PMS2: variants seen among roughly 807,000 people sequenced by gnomAD.
The protein encoded by PMS2 is mismatch repair endonuclease PMS2.
In PMS2, 69 loss-of-function variants were observed where a neutral mutation model predicts 90.0. That is an observed-to-expected ratio of 0.77 (90% CI 0.63 to 0.94). PMS2 has a LOEUF of 0.94. Ranked by LOEUF, PMS2 falls within the 40% of genes least tolerant of loss-of-function variation. The probability of loss-of-function intolerance (pLI) is 0.00; values close to 1 mark genes in which losing one functional copy is unlikely to be tolerated. For missense variants in PMS2, 966 were observed against 1,040.2 expected (o/e 0.93, Z 0.98); for synonymous variants, 332 against 375.1 (o/e 0.89, Z 1.33).
chr7:5,998,615 A>T (rs1007489519), intron 6 of PMS2, among the ~76,000 whole-genome samples: 2 of 150,820 alleles, frequency 1.3e-5, no homozygotes, highest in Non-Finnish European at 3.0e-5. Context: ...AATTGCTTCA[A>T]CGCGGGAGGC....
intron 11 of PMS2, among the ~76,000 whole-genome samples, chr7:5,985,058 T>C (rs557120718): frequency 6.6e-6 from 1 of 151,266 alleles, no homozygotes; most frequent in Non-Finnish European, 1.5e-5. Flanking sequence ...TCAGGCAGAG[T>C]GCAATCAATC....
chr7:5,993,303 A>T (rs577728335), intron 8 of PMS2, among the ~76,000 whole-genome samples: 1 of 142,054 alleles, frequency 7.0e-6, no homozygotes, highest in Non-Finnish European at 1.5e-5. Flanking sequence ...CCTGGGAGGG[A>T]GAGCTTGCAG....
In PMS2 at chr7:5,978,985, A is replaced by C. The variant is rs186921427; in HGVS notation, c.2175-289T>G. 3.4e-3 allele frequency among the ~76,000 whole-genome samples: 504 copies of C among 148,850 alleles called. 25 individuals are homozygous for C. The highest frequency in any genetic ancestry group is 6.8e-3 in the Middle Eastern group (2 of 294). On this transcript the variant is annotated intron_variant, in intron 12 of 14. Coordinates refer to ENST00000265849, the MANE Select transcript of PMS2 (RefSeq NM_000535.7). ...CGAGGCAGGCAGATCTCTTGAGGCC[A>C]GGAGTTTGAGACCGGCCTGGTCAAC...
chr7:5,992,382 C>T (rs1783867915), intron 8 of PMS2, among the ~76,000 whole-genome samples: 1 of 151,118 alleles, frequency 6.6e-6, no homozygotes, highest in East Asian at 1.9e-4. Flanking sequence ...TGTAATGGCA[C>T]GATCTTGGCT....
rs143277125 is a variant in PMS2 at position 5,992,012 on chromosome 7, G to A, written c.949C>T (p.Gln317Ter). 6.2e-7 allele frequency: 1 copy of A among 1,601,810 alleles called. No individual in the cohort carries two copies. Among genetic ancestry groups the A allele is most frequent in the African/African-American group, 1.3e-5 (1 of 74,622 alleles). The part of the protein sequence containing the change: ...NEVYHMYNRH[Q>*]YPFVVLNISV... ...ATGTTAAGAACAACAAATGGATACTGGTGTCGATTATACATGTGGTAGACC... is the reference window on the plus strand; with the variant it reads ...ATGTTAAGAACAACAAATGGATACTAGTGTCGATTATACATGTGGTAGACC... Residue 317 changes from glutamine to a stop codon, truncating the protein, a stop_gained, in exon 9 of 15, where the codon CAG becomes TAG. Coordinates refer to ENST00000265849, the MANE Select transcript of PMS2 (RefSeq NM_000535.7). LOFTEE classifies it high-confidence loss of function.
At chr7:5,981,343 C>CA in intron 12 of PMS2, among the ~76,000 whole-genome samples, 1 of 149,994 alleles carries the variant, frequency 6.7e-6, no homozygotes, top group Non-Finnish European at 1.5e-5. Context: ...CTCCTGGGCT[C>CA]AAACGATCCT....
chr7:5,996,115 A>G (rs1784364426), intron 7 of PMS2, among the ~76,000 whole-genome samples: 1 of 152,156 alleles, frequency 6.6e-6, no homozygotes, highest in Non-Finnish European at 1.5e-5. Flanking sequence ...GACCCACCCC[A>G]GGGATACCGG....
intron 2 of PMS2, chr7:6,004,403 T>C: frequency 9.0e-6 from 2 of 223,066 alleles, no homozygotes; most frequent in South Asian, 1.2e-4. Flanking sequence ...TTGAAAGAAA[T>C]AATTTTAACA....
chr7:5,996,817 T>C (rs992721346), intron 7 of PMS2, among the ~76,000 whole-genome samples: 19 of 152,146 alleles, frequency 1.2e-4, no homozygotes, highest in African/African-American at 4.3e-4. Flanking sequence ...ACCTGAAATA[T>C]ACCACTTACT....
intron 3 of PMS2, 40 bp downstream of exon 3, chr7:6,003,932 C>G (rs1785404837): frequency 1.4e-6 from 2 of 1,385,662 alleles, no homozygotes; most frequent in Non-Finnish European, 2.1e-6. Flanking sequence ...AGACATGTGA[C>G]CCAATTATTT....
rs2692555 is a variant in PMS2, at chr7:5,983,278, T to G, written c.2007-287A>C. Among the ~76,000 whole-genome samples the G allele has an allele frequency of 2.0e-5, 3 of 149,650 alleles. No homozygotes were observed. The East Asian group carries it at 5.9e-4, about 29-fold the overall frequency. On this transcript the variant is annotated intron_variant, in intron 11 of 14. Transcript: ENST00000265849. Reference sequence around the variant, plus strand: ...CAGGTGCGCCACCATGCCCAGCTAATTTTTGTATTTTTAGTAGAGACAGAG... The same window carrying G: ...CAGGTGCGCCACCATGCCCAGCTAAGTTTTGTATTTTTAGTAGAGACAGAG...
In PMS2 at chr7:5,989,846, A is replaced by G. The variant is rs1554298688; in HGVS notation, c.1098T>C (p.Asp366=). The G allele has an allele frequency of 6.2e-7, 1 of 1,612,934 alleles. No individual in the cohort carries two copies. Among genetic ancestry groups the G allele is most frequent in the Non-Finnish European group, 8.5e-7 (1 of 1,179,212 alleles). Residue 366 remains aspartate, a synonymous_variant, in exon 10 of 15, where the codon GAT becomes GAC. Transcript: ENST00000265849. ...GCTGACTGACATTTAGCTTGTTGAC[A>G]TCACTATCAAACATTCCTATCAAAG... ...KTSLIGMFDS[D]VNKLNVSQQP... is the part of the protein sequence containing the mutation.
intron 5 of PMS2, among the ~76,000 whole-genome samples, chr7:6,000,434 T>A (rs946506473): frequency 1.3e-5 from 2 of 151,818 alleles, no homozygotes; most frequent in African/African-American, 4.8e-5. Flanking sequence ...CTGTATTACT[T>A]GCATGTTGTA....
intron 6 of PMS2, 75 bp from the exon 7 acceptor site, chr7:5,997,498 G>T: frequency 1.1e-6 from 1 of 876,418 alleles, no homozygotes; most frequent in Non-Finnish European, 1.8e-6. Flanking sequence ...TTCTTTCTTA[G>T]TCAAGCTATT....
chr7:6,005,537 A>T (rs181753992), intron 2 of PMS2, among the ~76,000 whole-genome samples: 1 of 152,246 alleles, frequency 6.6e-6, no homozygotes, highest in African/African-American at 2.4e-5. Context: ...AGGTCTCACC[A>T]TGTTGGCCAG....
rs1485797948 is a variant in PMS2, at chr7:5,976,104, T to C, written c.2445+1484A>G. On this transcript the variant is annotated intron_variant, in intron 14 of 14. Transcript: ENST00000265849. ...AAATATAAAAATTAGCCAGGTGTGGTGGGTGCCTGTAGTCCCAGCTACTTG... is the reference window on the plus strand; with the variant it reads ...AAATATAAAAATTAGCCAGGTGTGGCGGGTGCCTGTAGTCCCAGCTACTTG... Among the ~76,000 whole-genome samples the C allele has an allele frequency of 3.5e-5, 5 of 142,812 alleles. No homozygotes were observed. In the South Asian group the frequency reaches 9.5e-4, roughly 27 times the overall value. The allele number at this position is 142,812 out of a possible 152,430, so 93.7% of individuals were successfully genotyped here. A position where few individuals can be genotyped will look rare whatever the true frequency, so the allele number is the denominator to read the frequency against.
At chr7:6,004,473 T>G (rs1785488217) in intron 2 of PMS2, 1 of 174,674 alleles carries the variant, frequency 5.7e-6, no homozygotes, top group African/African-American at 2.4e-5. Context: ...TCCAGCACTT[T>G]GGGAGGCCAA....
In PMS2 at chr7:5,987,556, G is replaced by C. The variant is rs147399413; in HGVS notation, c.1209C>G (p.Ser403=). 8.7e-6 allele frequency: 14 copies of C among 1,613,546 alleles called. No individual in the cohort carries two copies. The highest frequency in any genetic ancestry group is 1.2e-5 in the Non-Finnish European group (14 of 1,179,688). The change falls in exon 11 of 15, where the codon TCC becomes TCG. Residue 403 remains serine, a synonymous_variant. Transcript: ENST00000265849. The stretch of plus-strand genomic sequence containing the variant: ...TTTCTTCTCCAGTCCTTAATGAAGG[G>C]GATTGATCCTGCTTTTCTACCATGG... ...EKPMVEKQDQ[S]PSLRTGEEKK...
intron 1 of PMS2, among the ~76,000 whole-genome samples, chr7:6,006,524 G>A (rs1234761882): frequency 6.6e-6 from 1 of 152,048 alleles, no homozygotes; most frequent in East Asian, 1.9e-4. Context: ...ATGGTGGTGG[G>A]CACCTGTAAT....
Sources: gnomAD v4.1 joint callset for allele counts (sites outside exome capture counted in the v4.1 genomes callset) on GRCh38, gnomAD v4.1.1 for gene constraint, MANE v1.5 for transcripts, NCBI Gene and HGNC (gene_info 2026-07-23, HGNC 2026-07-21) for gene names.